Variants in HUWE1 observed in about 807,000 individuals in gnomAD.
HUWE1 encodes the protein HECT, UBA and WWE domain containing E3 ubiquitin protein ligase 1, also known as E3 ubiquitin-protein ligase HUWE1.
In HUWE1, 18 loss-of-function variants were observed where a neutral mutation model predicts 299.4. The ratio of observed to expected loss-of-function variants is 0.06; its 90% CI spans 0.04 to 0.09. The LOEUF (loss-of-function observed/expected upper bound fraction) is 0.09, where lower values mean the gene tolerates loss of function less well. HUWE1 is among the 10% of genes least tolerant of loss of function. The pLI is 1.00. For synonymous variants in HUWE1, 1,317 were observed against 1,286.1 expected (o/e 1.02, Z -0.51); for missense variants, 1,832 against 3,462.3 (o/e 0.53, Z 11.82).
rs2060894082 is a variant in HUWE1, at chrX:53,534,168, A to G, written c.12861T>C (p.Ser4287=). The part of the protein sequence containing the change: ...QIQWFWRALR[S]FDQADRAKFL... ...ACTTGGCACGGTCAGCTTGATCGAA[A>G]GAACGCAATGCTCTCCAGAACCACT... Residue 4287 remains serine, a synonymous_variant, in exon 83 of 84, where the codon TCT becomes TCC. Coordinates refer to ENST00000262854, the MANE Select transcript of HUWE1 (RefSeq NM_031407.7). 8.3e-7 allele frequency: 1 copy of G among 1,210,856 alleles called. No homozygotes were observed. The highest frequency in any genetic ancestry group is 1.1e-6 in the Non-Finnish European group (1 of 894,843).
rs2064125234 is a variant in HUWE1 at position 53,590,931 on chromosome X, A to G, written c.4095+69T>C. ...AGAAAGGAAGACCAATGACAGAATAATAAGGGGAAAAAGGACTTCAGCAGT... is the reference window on the plus strand; with the variant it reads ...AGAAAGGAAGACCAATGACAGAATAGTAAGGGGAAAAAGGACTTCAGCAGT... On this transcript the variant is annotated intron_variant, in intron 34 of 83. Coordinates refer to ENST00000262854, the MANE Select transcript of HUWE1 (RefSeq NM_031407.7). 2.6e-6 allele frequency: 3 copies of G among 1,165,136 alleles called. No individual in the cohort carries two copies. In the Admixed American group the frequency reaches 6.5e-5, roughly 25 times the overall value.
At chrX:53,631,794 G>GGA (rs2066896753) in intron 9 of HUWE1, 180 bp from the exon 10 acceptor site, 3 of 443,283 alleles carry the variant, frequency 6.8e-6, no homozygotes, top group Non-Finnish European at 1.2e-5. Flanking sequence ...CTTATATGTA[G>GGA]AATATTCTTA....
intron 44 of HUWE1, 107 bp downstream of exon 44, chrX:53,576,793 T>C (rs1414331286): frequency 1.3e-6 from 1 of 749,554 alleles, no homozygotes; most frequent in Non-Finnish European, 2.1e-6. Flanking sequence ...AGCCCCAGAG[T>C]ATGGGCACAT....
At chrX:53,545,263 T>C (rs1171092380) in intron 70 of HUWE1, 102 bp from the exon 71 acceptor site, 1 of 821,404 alleles carries the variant, frequency 1.2e-6, no homozygotes, top group African/African-American at 2.0e-5. Flanking sequence ...TCTTCATTGC[T>C]CAGCTGCAGA....
chrX:53,581,993 T>C (rs781955201), intron 42 of HUWE1, among the ~76,000 whole-genome samples: 2 of 111,823 alleles, frequency 1.8e-5, no homozygotes, highest in South Asian at 7.5e-4. Flanking sequence ...CCCTCCCATG[T>C]GGCTACACCA....
intron 41 of HUWE1, 56 bp downstream of exon 41, chrX:53,584,130 C>T: frequency 9.0e-7 from 1 of 1,108,380 alleles, no homozygotes; most frequent in Non-Finnish European, 1.2e-6. Context: ...TGAAATTGGC[C>T]AGACCTTAAG....
At chrX:53,659,962 T>C (rs998326196) in intron 3 of HUWE1, among the ~76,000 whole-genome samples, 4 of 112,285 alleles carry the variant, frequency 3.6e-5, no homozygotes, top group Non-Finnish European at 7.5e-5. Flanking sequence ...TGCAGATGAG[T>C]CACTGATGAA....
intron 25 of HUWE1, among the ~76,000 whole-genome samples, chrX:53,605,501 GA>G (rs1207346954): frequency 8.9e-6 from 1 of 112,136 alleles, no homozygotes; most frequent in Non-Finnish European, 1.9e-5. Context: ...TAAACTAAAT[GA>G]AGTCACGTCA....
At chrX:53,640,591 C>A (rs1557030190) in intron 7 of HUWE1, among the ~76,000 whole-genome samples, 1 of 111,665 alleles carries the variant, frequency 9.0e-6, no homozygotes, top group African/African-American at 3.3e-5. Flanking sequence ...TGTACTGCAC[C>A]TGTCAAGATT....
rs782804753 is a variant in HUWE1 at position 53,642,970 on chromosome X, T to G, written c.504+2341A>C. Among the ~76,000 whole-genome samples, 10 of 112,315 alleles carry G rather than the reference T, an allele frequency of 8.9e-5. No homozygotes were observed. In the South Asian group the frequency reaches 3.7e-3, roughly 42 times the overall value. ...ACCAGCTGCTTGCTATTACACCAAT[T>G]GTTTGCAAGTTTTATTGGTCCATGA... On this transcript the variant is annotated intron_variant, in intron 7 of 83. Transcript: ENST00000262854.
At position 53,586,482 on chromosome X, in the gene HUWE1, T is replaced by A. The variant is rs782507295; in HGVS notation, c.4824+8A>T. On this transcript the variant is annotated splice_region_variant and intron_variant, in intron 39 of 83. Transcript: ENST00000262854. ...CCGTCCTGCAGTCATACATACTACATTACACACCTTAGTCATCTGGGCTCT... is the reference window on the plus strand; with the variant it reads ...CCGTCCTGCAGTCATACATACTACAATACACACCTTAGTCATCTGGGCTCT... 8.5e-7 allele frequency: 1 copy of A among 1,173,907 alleles called. No homozygotes were observed. Among genetic ancestry groups the A allele is most frequent in the Admixed American group, 2.2e-5 (1 of 45,694 alleles).
At chrX:53,603,577 A>G in intron 26 of HUWE1, 76 bp from the exon 27 acceptor site, 2 of 988,333 alleles carry the variant, frequency 2.0e-6, no homozygotes, top group Non-Finnish European at 2.9e-6. Flanking sequence ...TTGACCTTCA[A>G]CAGTTTTATA....
At chrX:53,615,691 C>G (rs945293231) in intron 22 of HUWE1, 53 bp downstream of exon 22, 1 of 996,185 alleles carries the variant, frequency 1.0e-6, no homozygotes, top group African/African-American at 1.9e-5. Flanking sequence ...CTTCTAAAAC[C>G]TTCCCCTTCT....
chrX:53,614,783 C>A, intron 22 of HUWE1, 38 bp from the exon 23 acceptor site: 1 of 975,059 alleles, frequency 1.0e-6, no homozygotes, highest in Non-Finnish European at 1.5e-6. Flanking sequence ...TATTAGTAAT[C>A]ATGGAATGGG....
Position 53,568,738 on chromosome X carries a change from G to C in HUWE1, c.6661C>G (p.Leu2221Val), listed in dbSNP as rs1556947908. Residue 2221 changes from leucine (L) to valine (V), a missense_variant, in exon 49 of 84, where the codon CTG (leucine) becomes GTG (valine). By Grantham distance (32) the Leu-to-Val change is conservative. Transcript: ENST00000262854. ...NIIRLFLKKG[L>V]VNDLARVPHS... ...GGTACTCTGGCCAGGTCATTAACCA[G>C]TCCCTTCTTCAGGAAAAGCCGAATG... The C allele has an allele frequency of 8.3e-7, 1 of 1,211,275 alleles. No homozygotes were observed. The highest frequency in any genetic ancestry group is 2.2e-5 in the Admixed American group (1 of 46,012).
intron 2 of HUWE1, among the ~76,000 whole-genome samples, chrX:53,685,693 T>C (rs1292558476): frequency 9.0e-6 from 1 of 111,660 alleles, no homozygotes; most frequent in Non-Finnish European, 1.9e-5. Flanking sequence ...TGTGGAAAAA[T>C]AGGCACTCTC....
chrX:53,647,426 T>C lies in HUWE1; in HGVS notation c.293A>G (p.Asn98Ser). Reference protein sequence around the residue: ...QLKMLLLAVLNFTALLIEYSF... With the variant: ...QLKMLLLAVLSFTALLIEYSF... The stretch of plus-strand genomic sequence containing the variant: ...GTACTCAATGAGCAAGGCTGTGAAG[T>C]TCAACACAGCCAAGAGAAGCATTTT... The change falls in exon 6 of 84, where the codon AAC becomes AGC. Residue 98 changes from asparagine to serine, a missense_variant. Physicochemically the swap from Asn to Ser is conservative, Grantham distance 46. Coordinates refer to ENST00000262854, the MANE Select transcript of HUWE1 (RefSeq NM_031407.7). The C allele has an allele frequency of 2.5e-6, 3 of 1,209,616 alleles. No individual in the cohort carries two copies. The highest frequency in any genetic ancestry group is 2.2e-6 in the Non-Finnish European group (2 of 893,755).
At chrX:53,625,465 A>AAAGT (rs1557016303) in intron 17 of HUWE1, 1 of 360,613 alleles carries the variant, frequency 2.8e-6, no homozygotes, top group Non-Finnish European at 4.8e-6. Flanking sequence ...TACCAATACT[A>AAAGT]AAAGTCTAAA....
intron 3 of HUWE1, among the ~76,000 whole-genome samples, chrX:53,670,497 C>A: frequency 9.0e-6 from 1 of 111,658 alleles, no homozygotes; most frequent in Admixed American, 9.5e-5. Context: ...TATCATCCAG[C>A]TTTTCTGTTG....
Sources: gnomAD v4.1 joint callset for allele counts (sites outside exome capture counted in the v4.1 genomes callset) on GRCh38, gnomAD v4.1.1 for gene constraint, MANE v1.5 for transcripts, NCBI Gene and HGNC (gene_info 2026-07-23, HGNC 2026-07-21) for gene names.